TBPL2: variants seen among roughly 807,000 people sequenced by gnomAD.
TBPL2 encodes the protein TATA-box binding protein like 2.
Under a neutral mutation model 38.2 loss-of-function variants are expected in TBPL2, and 40 were observed. The ratio of observed to expected loss-of-function variants is 1.05; its 90% CI spans 0.81 to 1.36. The LOEUF (loss-of-function observed/expected upper bound fraction) is 1.36. Ranked by LOEUF, TBPL2 falls within the 40% of genes most tolerant of loss-of-function variation. The pLI, the probability that TBPL2 is intolerant of heterozygous loss-of-function variation, is 0.00. For missense variants in TBPL2, 461 were observed against 456.7 expected, an observed-to-expected ratio of 1.01 and a Z score of -0.09; for synonymous variants, 169 against 171.7, an observed-to-expected ratio of 0.98 and a Z score of 0.12.
Position 55,436,856 on chromosome 14 carries a change from C to A in TBPL2, c.313G>T (p.Glu105Ter). The change falls in exon 2 of 7, where the codon GAA (glutamate) becomes TAA (stop). Residue 105 changes from glutamate (E) to a stop codon, truncating the protein, a stop_gained. Coordinates refer to ENST00000247219, the Ensembl canonical transcript of TBPL2. LOFTEE classifies it high-confidence loss of function. ...TGGTCTTTATTTTCCTGGGTAACTT[C>A]ATCTGGTAGGAAGCTAAGATCCACA... is the stretch of plus-strand genomic sequence containing the variant. The A allele has an allele frequency of 6.2e-7, 1 of 1,614,176 alleles. No individual in the cohort carries two copies. Among genetic ancestry groups the A allele is most frequent in the Middle Eastern group, 1.6e-4 (1 of 6,062 alleles).
At chr14:55,432,232 A>AC (rs1169801874) in intron 4 of TBPL2, among the ~76,000 whole-genome samples, 2 of 123,450 alleles carry the variant, frequency 1.6e-5, no homozygotes, top group Non-Finnish European at 3.5e-5. Flanking sequence ...ATATGGGGAA[A>AC]CCCCCGTCTC....
Position 55,436,476 on chromosome 14 carries a change from A to G in TBPL2, c.608+85T>C, listed in dbSNP as rs995067378. ...GAAATCTGAAATTCTCTTCCCTACT[A>G]TTATCCTGAAATTAGTTGTCATCGC... On this transcript the variant is annotated intron_variant, in intron 2 of 6. Coordinates refer to ENST00000247219, the Ensembl canonical transcript of TBPL2. 7 of 1,179,970 alleles carry G rather than the reference A, an allele frequency of 5.9e-6. No homozygotes were observed. The Admixed American group carries it at 1.6e-4, about 26-fold the overall frequency. 73.1% of individuals were successfully genotyped at this position (1,179,970 alleles called of 1,614,324 possible).
chr14:55,432,337 C>T (rs1016348859), intron 4 of TBPL2, among the ~76,000 whole-genome samples: 9 of 150,656 alleles, frequency 6.0e-5, no homozygotes, highest in African/African-American at 1.7e-4. Context: ...GGCTCCAGCC[C>T]GGGAGGTGGA....
At chr14:55,416,400 C>T (rs530703973) in intron 6 of TBPL2, among the ~76,000 whole-genome samples, 2 of 151,126 alleles carry the variant, frequency 1.3e-5, no homozygotes, top group African/African-American at 2.4e-5. Flanking sequence ...GAGACCAGCC[C>T]GGGTAACATA....
chr14:55,428,695 C>A, intron 5 of TBPL2, 112 bp downstream of exon 5: 1 of 1,165,468 alleles, frequency 8.6e-7, no homozygotes, highest in East Asian at 2.4e-5. Flanking sequence ...TTGTGTCCCC[C>A]GCCTTTTTTT....
At chr14:55,440,420 G>A (rs143276691) in exon 1 of TBPL2, 2 of 1,613,092 alleles carry the variant, frequency 1.2e-6, no homozygotes, top group Non-Finnish European at 1.7e-6. Context: ...GGTCCAGGTA[G>A]AGCTCCAGGT....
chr14:55,436,681 G>A (rs767690745), exon 2 of TBPL2: 39 of 1,614,104 alleles, frequency 2.4e-5, no homozygotes, highest in Non-Finnish European at 2.9e-5. Context: ...GACTGAGTCA[G>A]TATCACCAGG....
chr14:55,424,395 T>G (rs1012868661), intron 5 of TBPL2, 142 bp from the exon 6 acceptor site: 4 of 563,244 alleles, frequency 7.1e-6, no homozygotes, highest in Non-Finnish European at 9.5e-6. Context: ...TTAACTATCT[T>G]GATGAAGAGT....
In TBPL2 at chr14:55,439,614, A is replaced by ACCC. The variant is rs576819393; in HGVS notation, c.150+779_150+781dup. On this transcript the variant is annotated intron_variant, in intron 1 of 6. Transcript: ENST00000247219. ...AACACCAGCCTGGGGAGAAAAGCAA[A>ACCC]CCCCCCCCCGTCTCTACTAAAAAAT... is the stretch of plus-strand genomic sequence containing the variant. 1.0e-3 allele frequency among the ~76,000 whole-genome samples: 85 copies of ACCC among 84,600 alleles called. 6 individuals are homozygous for ACCC. The highest frequency in any genetic ancestry group is 2.9e-3 in the African/African-American group (73 of 25,246). The allele number at this position is 84,600 out of a possible 152,430, so 55.5% of individuals were successfully genotyped here.
intron 1 of TBPL2, among the ~76,000 whole-genome samples, chr14:55,439,459 C>T (rs77941566): frequency 0.096 from 14,617 of 151,640 alleles, 769 homozygotes; most frequent in African/African-American, 0.14. Context: ...GAAGTCACTA[C>T]AGCTAGCACA....
intron 2 of TBPL2, 34 bp downstream of exon 2, chr14:55,436,526 CA>C: frequency 1.3e-6 from 2 of 1,557,882 alleles, no homozygotes; most frequent in Non-Finnish European, 1.8e-6. Flanking sequence ...AATGTGTACC[CA>C]ATGTGCTCAA....
chr14:55,420,787 C>T lies in TBPL2; in HGVS notation c.1051+3372G>A, dbSNP rs147186904. 8.5e-5 allele frequency among the ~76,000 whole-genome samples: 13 copies of T among 152,056 alleles called. No individual in the cohort carries two copies. The East Asian group carries it at 2.1e-3, about 25-fold the overall frequency. On this transcript the variant is annotated intron_variant, in intron 6 of 6. Coordinates refer to ENST00000247219, the Ensembl canonical transcript of TBPL2. ...TTAAAAGAAATTTGGGGGTTGGGTG[C>T]GGTGGCTCACTCCTGTAATCCCAGC...
chr14:55,429,383 T>C (rs529969682), intron 4 of TBPL2, among the ~76,000 whole-genome samples: 2 of 152,316 alleles, frequency 1.3e-5, no homozygotes, highest in South Asian at 4.1e-4. Flanking sequence ...GGCCGAGCAA[T>C]CTGTCTTTTA....
At chr14:55,432,909 C>T (rs1885954801) in intron 4 of TBPL2, among the ~76,000 whole-genome samples, 1 of 152,186 alleles carries the variant, frequency 6.6e-6, no homozygotes, top group Non-Finnish European at 1.5e-5. Flanking sequence ...TGAGCTAATG[C>T]AAGCTAATGC....
At chr14:55,435,906 A>C in exon 3 of TBPL2, 1 of 1,584,432 alleles carries the variant, frequency 6.3e-7, no homozygotes, top group Non-Finnish European at 8.5e-7. Flanking sequence ...TCCAACTTAC[A>C]GGCCAGGTTT....
intron 4 of TBPL2, among the ~76,000 whole-genome samples, chr14:55,432,893 G>A (rs1240114244): frequency 6.6e-6 from 1 of 152,186 alleles, no homozygotes; most frequent in Non-Finnish European, 1.5e-5. Flanking sequence ...TTTAAGGGAT[G>A]CCTCCTGAGC....
At chr14:55,429,369 G>A (rs1885886105) in intron 4 of TBPL2, among the ~76,000 whole-genome samples, 2 of 152,234 alleles carry the variant, frequency 1.3e-5, no homozygotes, top group African/African-American at 4.8e-5. Flanking sequence ...AACTCTGGGG[G>A]TGGGGCCGAG....
exon 1 of TBPL2, chr14:55,440,615 G>T: frequency 1.4e-6 from 2 of 1,469,234 alleles, no homozygotes; most frequent in Non-Finnish European, 9.1e-7. Context: ...CGAGAGAAGC[G>T]TTGGGCGATG....
exon 1 of TBPL2, chr14:55,440,514 G>A (rs1212251697): frequency 1.9e-6 from 3 of 1,610,946 alleles, no homozygotes; most frequent in Middle Eastern, 1.8e-4. Flanking sequence ...GAGCAGCCTC[G>A]GAACCCGCTC....
Sources: allele counts gnomAD v4.1 joint callset (sites outside exome capture counted in the v4.1 genomes callset), GRCh38; gene constraint gnomAD v4.1.1; transcripts MANE v1.5; gene names NCBI Gene and HGNC (gene_info 2026-07-23, HGNC 2026-07-21).